Variants in ACTA2 observed in about 807,000 individuals in gnomAD.
ACTA2 encodes actin alpha 2, smooth muscle.
In ACTA2, 12 loss-of-function variants were observed where a neutral mutation model predicts 39.5. That is an observed-to-expected ratio of 0.30 (90% CI 0.19 to 0.49). The LOEUF (loss-of-function observed/expected upper bound fraction) is 0.49. ACTA2 is among the 20% of genes least tolerant of loss of function. The pLI, the probability that ACTA2 is intolerant of heterozygous loss-of-function variation, is 0.99. For synonymous variants in ACTA2, 158 were observed against 180.6 expected, an observed-to-expected ratio of 0.88 and a Z score of 1.00; for missense variants, 236 against 498.8, an observed-to-expected ratio of 0.47 and a Z score of 5.02.
At chr10:88,947,515 T>C in intron 2 of ACTA2, 129 bp from the exon 3 acceptor site, 1 of 1,362,968 alleles carries the variant, frequency 7.3e-7, no homozygotes, top group Admixed American at 1.8e-5. Flanking sequence ...AATAAACATA[T>C]TGAGTCTCAT....
upstream of ACTA2, among the ~76,000 whole-genome samples, chr10:88,954,145 G>A (rs1564650065): frequency 1.3e-5 from 2 of 152,114 alleles, no homozygotes; most frequent in Non-Finnish European, 2.9e-5. Context: ...GGACATGTGA[G>A]AAAAATCCCA....
intron 1 of ACTA2, among the ~76,000 whole-genome samples, chr10:88,963,118 G>A (rs1402136752): frequency 6.6e-6 from 1 of 151,344 alleles, no homozygotes; most frequent in Admixed American, 6.6e-5. Context: ...CCTCCCACCA[G>A]GTCACTTCCA....
intron 1 of ACTA2, among the ~76,000 whole-genome samples, chr10:88,962,833 A>G (rs1846248114): frequency 6.7e-6 from 1 of 149,778 alleles, no homozygotes; most frequent in African/African-American, 2.4e-5. Context: ...AGGCCTCACA[A>G]TCATGGTGGA....
At chr10:88,971,564 C>CT (rs776055894) in intron 1 of ACTA2, among the ~76,000 whole-genome samples, 78 of 152,258 alleles carry the variant, frequency 5.1e-4, no homozygotes, top group Non-Finnish European at 1.0e-3. Flanking sequence ...TAACTCCTTC[C>CT]TTTTTTAGAT....
chr10:88,984,239 G>A (rs1426527758), intron 1 of ACTA2, among the ~76,000 whole-genome samples: 2 of 152,244 alleles, frequency 1.3e-5, no homozygotes. Flanking sequence ...TTGAGAAATA[G>A]TAGGAGCCAG....
At chr10:88,936,204 A>C (rs1260802260) in intron 8 of ACTA2, among the ~76,000 whole-genome samples, 1 of 152,242 alleles carries the variant, frequency 6.6e-6, no homozygotes, top group African/African-American at 2.4e-5. Context: ...ACAGAGGCTG[A>C]GAAAGTTTAA....
At chr10:88,981,798 G>C (rs1846720124) in intron 1 of ACTA2, among the ~76,000 whole-genome samples, 1 of 152,174 alleles carries the variant, frequency 6.6e-6, no homozygotes, top group African/African-American at 2.4e-5. Context: ...AAAGGTTTCA[G>C]ATGGGCTTTC....
upstream of ACTA2, among the ~76,000 whole-genome samples, chr10:88,956,284 C>T (rs1443492112): frequency 1.3e-5 from 2 of 152,178 alleles, no homozygotes; most frequent in Non-Finnish European, 2.9e-5. Flanking sequence ...CAAGGCATTC[C>T]TTCTGGAAGC....
chr10:88,942,836 A>T (rs980738474), intron 4 of ACTA2, among the ~76,000 whole-genome samples: 1 of 152,068 alleles, frequency 6.6e-6, no homozygotes, highest in Non-Finnish European at 1.5e-5. Flanking sequence ...AGGCCCACAG[A>T]TGTTCCCCTG....
chr10:88,976,103 A>G (rs928491295), intron 1 of ACTA2, among the ~76,000 whole-genome samples: 1 of 152,188 alleles, frequency 6.6e-6, no homozygotes, highest in African/African-American at 2.4e-5. Context: ...TGTGTAATAC[A>G]GGGGTGTCCA....
chr10:88,982,417 T>C (rs1416427044), intron 1 of ACTA2, among the ~76,000 whole-genome samples: 1 of 152,130 alleles, frequency 6.6e-6, no homozygotes. Context: ...CGAGCTTAAA[T>C]GTGTTTTTTT....
chr10:88,981,650 G>C (rs144237150), intron 1 of ACTA2, among the ~76,000 whole-genome samples: 2 of 152,136 alleles, frequency 1.3e-5, no homozygotes, highest in Non-Finnish European at 2.9e-5. Context: ...AGTGGGAGAC[G>C]CATCATATCC....
intron 1 of ACTA2, among the ~76,000 whole-genome samples, chr10:88,952,332 A>C (rs1480095835): frequency 6.6e-6 from 1 of 152,200 alleles, no homozygotes; most frequent in Non-Finnish European, 1.5e-5. Context: ...CAGTGAAAGA[A>C]AACCCCTACA....
intron 8 of ACTA2, chr10:88,935,638 G>A (rs1845723183): frequency 4.6e-5 from 18 of 389,602 alleles, no homozygotes; most frequent in South Asian, 4.2e-4. Flanking sequence ...CTGAAAGTTG[G>A]CTCCAAATCC....
chr10:88,935,624 CA>C (rs1351716188), intron 8 of ACTA2: 13 of 405,292 alleles, frequency 3.2e-5, no homozygotes, highest in African/African-American at 2.0e-4. Context: ...CATTATTGAG[CA>C]AACTGAAAGT....
intron 1 of ACTA2, among the ~76,000 whole-genome samples, chr10:88,951,596 G>A (rs1429159385): frequency 6.6e-6 from 1 of 152,208 alleles, no homozygotes; most frequent in East Asian, 1.9e-4. Flanking sequence ...CCCGGAAAGA[G>A]TCAGCTCAGT....
At chr10:88,979,485 G>A (rs1203080359) in intron 1 of ACTA2, among the ~76,000 whole-genome samples, 1 of 152,198 alleles carries the variant, frequency 6.6e-6, no homozygotes, top group African/African-American at 2.4e-5. Flanking sequence ...CTCATCTTGG[G>A]ATGATTTTAA....
At chr10:88,974,704 T>A (rs764109634) in intron 1 of ACTA2, 3 of 152,218 alleles carry the variant, frequency 2.0e-5, no homozygotes, top group Non-Finnish European at 4.4e-5. Flanking sequence ...ACCAGATCAT[T>A]GACTTTGGCA....
At chr10:88,961,828 G>A (rs148960972) in intron 1 of ACTA2, among the ~76,000 whole-genome samples, 1 of 152,222 alleles carries the variant, frequency 6.6e-6, no homozygotes, top group Non-Finnish European at 1.5e-5. Context: ...AAAGGTACTA[G>A]GCTTTATTAT....
Sources: allele counts gnomAD v4.1 joint callset (sites outside exome capture counted in the v4.1 genomes callset), GRCh38; gene constraint gnomAD v4.1.1; transcripts MANE v1.5; gene names NCBI Gene and HGNC (gene_info 2026-07-23, HGNC 2026-07-21).